PARVG: variants seen among roughly 807,000 people sequenced by gnomAD.
PARVG encodes the protein gamma-parvin.
Under a neutral mutation model 44.4 loss-of-function variants are expected in PARVG, and 36 were observed. That is an observed-to-expected ratio of 0.81 (90% CI 0.62 to 1.07). PARVG has a LOEUF of 1.07. Among genes scored for constraint, PARVG ranks in the 50% least tolerant of loss-of-function variants. The probability of loss-of-function intolerance (pLI) is 0.00; values close to 1 mark genes in which losing one functional copy is unlikely to be tolerated. For synonymous variants in PARVG, 170 were observed against 174.1 expected (o/e 0.98, Z 0.19); for missense variants, 407 against 407.4 (o/e 1.00, Z 0.01).
intron 12 of PARVG, among the ~76,000 whole-genome samples, chr22:44,202,775 A>G (rs1320860547): frequency 6.6e-6 from 1 of 152,224 alleles, no homozygotes; most frequent in Non-Finnish European, 1.5e-5. Context: ...ATTTCTCATT[A>G]TCAGACCCTC....
chr22:44,172,982 TC>T, exon 1 of PARVG: 1 of 1,289,436 alleles, frequency 7.8e-7, no homozygotes, highest in Non-Finnish European at 1.0e-6. Flanking sequence ...TTTTAATCTT[TC>T]ATGCATTTAG....
Position 44,196,399 on chromosome 22 carries a change from A to T in PARVG, c.695A>T (p.Gln232Leu). The T allele has an allele frequency of 1.2e-6, 2 of 1,614,196 alleles. No individual in the cohort carries two copies. Among genetic ancestry groups the T allele is most frequent in the Middle Eastern group, 3.3e-4 (2 of 6,058 alleles). ...CTGGACCGCCTGGGCCTGTCTGTGC[A>T]GAATCTGGACACCCAGGTAGGGACT... ...QKLDRLGLSV[Q>L]NLDTQFADGV... Residue 232 changes from glutamine (Q) to leucine (L), a missense_variant, in exon 11 of 14, where the codon CAG (glutamine) becomes CTG (leucine). Coordinates refer to ENST00000444313, the MANE Select transcript of PARVG (RefSeq NM_022141.7).
chr22:44,181,441 C>T, intron 1 of PARVG: 1 of 966,064 alleles, frequency 1.0e-6, no homozygotes, highest in Non-Finnish European at 1.2e-6. Flanking sequence ...GGTGGGAGGA[C>T]GGCGGTGCGG....
intron 12 of PARVG, 54 bp from the exon 13 acceptor site, chr22:44,205,703 C>A: frequency 6.2e-7 from 1 of 1,604,332 alleles, no homozygotes; most frequent in South Asian, 1.1e-5. Context: ...GGACCCAAGG[C>A]CTGGCCTGGG....
chr22:44,190,995 C>T (rs1056216156), intron 7 of PARVG, among the ~76,000 whole-genome samples: 4 of 152,190 alleles, frequency 2.6e-5, no homozygotes, highest in Non-Finnish European at 5.9e-5. Flanking sequence ...CATGCGTGGC[C>T]GTCCGTTCAT....
chr22:44,200,259 A>T lies in PARVG; in HGVS notation c.813+1537A>T, dbSNP rs115496271. On this transcript the variant is annotated intron_variant, in intron 12 of 13. Coordinates refer to ENST00000444313, the MANE Select transcript of PARVG (RefSeq NM_022141.7). ...TACTACTTTCCAAATAAGGAAAGAG[A>T]GGTCCACGGGCAGCCAAGGCTTACC... 3.8e-3 allele frequency among the ~76,000 whole-genome samples: 575 copies of T among 152,294 alleles called. 2 individuals are homozygous for T. The highest frequency in any genetic ancestry group is 0.013 in the African/African-American group (543 of 41,542).
chr22:44,181,578 G>T, intron 1 of PARVG, 164 bp from the exon 2 acceptor site: 1 of 596,524 alleles, frequency 1.7e-6, no homozygotes, highest in Non-Finnish European at 2.1e-6. Flanking sequence ...ATGGTTTGGG[G>T]AAGGCGGGGA....
Position 44,191,967 on chromosome 22 carries a change from C to T in PARVG, c.505-82C>T, listed in dbSNP as rs73888893. ...GAGGCTGTCCTGAGGAGGGATGATA[C>T]AGAGCAAACGGATCACTGGGGCTTC... On this transcript the variant is annotated intron_variant, in intron 7 of 13. Coordinates refer to ENST00000444313, the MANE Select transcript of PARVG (RefSeq NM_022141.7). 1.9e-3 allele frequency: 2,865 copies of T among 1,481,032 alleles called. 60 individuals are homozygous for T. The African/African-American group carries it at 0.034, about 18-fold the overall frequency. 91.7% of individuals were successfully genotyped at this position (1,481,032 alleles called of 1,614,324 possible). A position where few individuals can be genotyped will look rare whatever the true frequency, so the allele number is the denominator to read the frequency against.
chr22:44,187,984 C>CTAAACCCGGGACCATT, intron 5 of PARVG, 106 bp downstream of exon 5: 1 of 1,139,246 alleles, frequency 8.8e-7, no homozygotes, highest in Non-Finnish European at 1.3e-6. Flanking sequence ...ACAATGGTCC[C>CTAAACCCGGGACCATT]GGGTTTAGGG....
At chr22:44,180,899 A>AT (rs2054365556), upstream of PARVG, 1 of 985,372 alleles carries the variant, frequency 1.0e-6, no homozygotes, top group Non-Finnish European at 1.2e-6. Flanking sequence ...GAAACTCACC[A>AT]TTTCAGCCCG....
At position 44,182,407 on chromosome 22, in the gene PARVG, G is replaced by C. The variant is rs936743438; in HGVS notation, c.-13+490G>C. ...ATGGCCCTCAGCTTGGATATTAAGG[G>C]GCTGGGAGTCAGTTGTGTCCCCACC... On this transcript the variant is annotated intron_variant, in intron 2 of 13. Transcript: ENST00000444313. The surrounding 1 kb of genome is among the most constrained non-coding windows in gnomAD (Gnocchi z 4.6). 2.0e-5 allele frequency among the ~76,000 whole-genome samples: 3 copies of C among 152,120 alleles called. No individual in the cohort carries two copies. The highest frequency in any genetic ancestry group is 4.4e-5 in the Non-Finnish European group (3 of 68,026).
At chr22:44,206,169 G>T in intron 13 of PARVG, 148 bp from the exon 14 acceptor site, 1 of 660,460 alleles carries the variant, frequency 1.5e-6, no homozygotes, top group South Asian at 1.8e-5. Flanking sequence ...CGGGACCCAG[G>T]CCTGGAGTGA....
upstream of PARVG, among the ~76,000 whole-genome samples, chr22:44,177,646 T>C (rs189212438): frequency 2.0e-5 from 3 of 152,336 alleles, no homozygotes; most frequent in East Asian, 3.9e-4. Flanking sequence ...GCGTTTTCGG[T>C]AGAAGTGATG....
In PARVG at chr22:44,180,966, A is replaced by G. The variant is rs1441782937; in HGVS notation, c.-408A>G. The stretch of plus-strand genomic sequence containing the variant: ...TCGGGTCTGAAGTGTTTCTCTATCT[A>G]CTGTGCTGAGATCTCTCCTTCTCGA... On this transcript the variant is annotated 5_prime_UTR_variant, in exon 1 of 14. Coordinates refer to ENST00000444313, the MANE Select transcript of PARVG (RefSeq NM_022141.7). 3.0e-6 allele frequency: 3 copies of G among 985,336 alleles called. No homozygotes were observed. Among genetic ancestry groups the G allele is most frequent in the Non-Finnish European group, 3.6e-6 (3 of 829,918 alleles). 61.0% of individuals were successfully genotyped at this position (985,336 alleles called of 1,614,324 possible). A position where few individuals can be genotyped will look rare whatever the true frequency, so the allele number is the denominator to read the frequency against.
chr22:44,194,015 A>G (rs752845187), intron 9 of PARVG, among the ~76,000 whole-genome samples, 192 bp downstream of exon 9: 1 of 152,090 alleles, frequency 6.6e-6, no homozygotes, highest in Non-Finnish European at 1.5e-5. Flanking sequence ...GCTCCTTCTC[A>G]TGATACTGTT....
intron 12 of PARVG, among the ~76,000 whole-genome samples, chr22:44,203,675 A>G (rs1310158883): frequency 6.6e-6 from 1 of 152,244 alleles, no homozygotes; most frequent in Non-Finnish European, 1.5e-5. Flanking sequence ...AACAATAGCA[A>G]CAATTGCAAC....
At chr22:44,186,483 C>T (rs1029979430) in intron 4 of PARVG, 2 of 457,938 alleles carry the variant, frequency 4.4e-6, no homozygotes, top group African/African-American at 4.0e-5. Context: ...TCCTGGCCTA[C>T]ACCATCTTCC....
At chr22:44,199,338 C>G (rs117280089) in intron 12 of PARVG, among the ~76,000 whole-genome samples, 2,768 of 152,178 alleles carry the variant, frequency 0.018, 36 homozygotes, top group Non-Finnish European at 0.028. Context: ...TCCTGTCATG[C>G]ATCCATCTGT....
chr22:44,188,811 T>C (rs943970854), intron 5 of PARVG: 2 of 424,276 alleles, frequency 4.7e-6, no homozygotes, highest in African/African-American at 4.0e-5. Flanking sequence ...GGGCAGGGGC[T>C]GCAGGCACAG....
Sources: allele counts gnomAD v4.1 joint callset (sites outside exome capture counted in the v4.1 genomes callset), GRCh38; gene constraint gnomAD v4.1.1; non-coding constraint Gnocchi (gnomAD v3.1); transcripts MANE v1.5; gene names NCBI Gene and HGNC (gene_info 2026-07-23, HGNC 2026-07-21).